EPB41: variants seen among roughly 807,000 people sequenced by gnomAD.
EPB41 encodes the protein erythrocyte membrane protein band 4.1.
Under a neutral mutation model 108.0 loss-of-function variants are expected in EPB41, and 65 were observed. The ratio of observed to expected loss-of-function variants is 0.60; its 90% confidence interval spans 0.49 to 0.74. The LOEUF (loss-of-function observed/expected upper bound fraction) is 0.74. Among genes scored for constraint, EPB41 ranks in the 30% least tolerant of loss-of-function variants. The pLI, the probability that EPB41 is intolerant of heterozygous loss-of-function variation, is 0.00. For missense variants in EPB41, 875 were observed against 1,037.0 expected (o/e 0.84, Z 2.15); for synonymous variants, 336 against 358.9 (o/e 0.94, Z 0.72).
chr1:29,078,527 G>A (rs1558254624), intron 16 of EPB41, among the ~76,000 whole-genome samples: 1 of 152,108 alleles, frequency 6.6e-6, no homozygotes, highest in Non-Finnish European at 1.5e-5. Flanking sequence ...GGGAGGCTGA[G>A]GCAGGAGGAT....
At chr1:29,007,128 TG>T (rs1283312898) in intron 4 of EPB41, among the ~76,000 whole-genome samples, 2 of 151,924 alleles carry the variant, frequency 1.3e-5, no homozygotes, top group Non-Finnish European at 2.9e-5. Flanking sequence ...GGTCTCACCC[TG>T]TTGTCAGGCT....
intron 18 of EPB41, among the ~76,000 whole-genome samples, chr1:29,110,816 A>C (rs989825940): frequency 6.6e-6 from 1 of 152,202 alleles, no homozygotes; most frequent in Non-Finnish European, 1.5e-5. Flanking sequence ...AAATGCTTTA[A>C]AATACAAGAG....
intron 3 of EPB41, among the ~76,000 whole-genome samples, 159 bp from the exon 4 acceptor site, chr1:28,997,056 G>A (rs369745237): frequency 1.6e-4 from 24 of 152,270 alleles, no homozygotes; most frequent in East Asian, 1.5e-3. Flanking sequence ...GGAGGCTGAG[G>A]TGGGAAGATC....
At chr1:29,057,761 A>G (rs1041838329) in intron 12 of EPB41, among the ~76,000 whole-genome samples, 3 of 152,084 alleles carry the variant, frequency 2.0e-5, no homozygotes, top group Non-Finnish European at 4.4e-5. Context: ...TCCATTTTCT[A>G]TGTATAAAAT....
intron 11 of EPB41, among the ~76,000 whole-genome samples, chr1:29,047,337 C>T (rs1191377668): frequency 2.1e-5 from 3 of 143,998 alleles, no homozygotes; most frequent in South Asian, 2.2e-4. Context: ...GTAGCCTTGA[C>T]CTCCCAGGCC....
chr1:28,890,352 T>C (rs1326331050), intron 1 of EPB41, among the ~76,000 whole-genome samples: 1 of 152,196 alleles, frequency 6.6e-6, no homozygotes, highest in East Asian at 1.9e-4. Context: ...CTGATATTTA[T>C]TAAAGGGGGT....
At chr1:28,956,830 A>G (rs1016243718) in intron 1 of EPB41, among the ~76,000 whole-genome samples, 11 of 152,258 alleles carry the variant, frequency 7.2e-5, no homozygotes, top group African/African-American at 2.4e-4. Flanking sequence ...GTCTAGCAAT[A>G]TACATGAAAT....
Position 28,921,417 on chromosome 1 carries a change from C to T in EPB41, c.-8+6649C>T, listed in dbSNP as rs182331495. 3.3e-3 allele frequency among the ~76,000 whole-genome samples: 502 copies of T among 152,132 alleles called. 6 individuals carry two copies. Among genetic ancestry groups the T allele is most frequent in the African/African-American group, 0.011 (472 of 41,506 alleles). On this transcript the variant is annotated intron_variant, in intron 1 of 20. Transcript: ENST00000343067. ...ACAGATTGTTGAAATTCATCCCATT[C>T]CCCCTTCCCTCCCCAGTTTTTGGCC...
intron 4 of EPB41, among the ~76,000 whole-genome samples, chr1:29,000,312 C>T (rs1417443489): frequency 6.6e-5 from 10 of 152,274 alleles, no homozygotes; most frequent in African/African-American, 2.4e-4. Context: ...ATTGGCCAGG[C>T]TGGTCTCGAA....
chr1:29,101,971 G>A (rs976075116), intron 17 of EPB41, among the ~76,000 whole-genome samples: 3 of 152,170 alleles, frequency 2.0e-5, no homozygotes, highest in African/African-American at 7.2e-5. Flanking sequence ...AGAAATGCTT[G>A]TAAAGAACTG....
intron 1 of EPB41, among the ~76,000 whole-genome samples, chr1:28,974,830 T>C (rs2095566200): frequency 6.6e-6 from 1 of 151,808 alleles, no homozygotes; most frequent in Non-Finnish European, 1.5e-5. Context: ...AGTCTTGCTC[T>C]GTCGCCCAGG....
At chr1:29,064,858 T>G in intron 15 of EPB41, 124 bp from the exon 16 acceptor site, 1 of 1,192,346 alleles carries the variant, frequency 8.4e-7, no homozygotes, top group Non-Finnish European at 1.2e-6. Context: ...TGAATGCAGA[T>G]TAGTAACATC....
At chr1:28,975,984 C>T (rs530783662) in intron 1 of EPB41, among the ~76,000 whole-genome samples, 28 of 143,614 alleles carry the variant, frequency 1.9e-4, no homozygotes, top group Admixed American at 1.6e-3. Context: ...GAAATATGTA[C>T]ATGGGCGGGG....
At chr1:28,964,385 T>C (rs185764559) in intron 1 of EPB41, among the ~76,000 whole-genome samples, 90 of 152,032 alleles carry the variant, frequency 5.9e-4, no homozygotes, top group Middle Eastern at 3.4e-3. Context: ...GAGGTTGCAG[T>C]GAGCTGAGAT....
At chr1:28,960,237 C>T (rs1326664109) in intron 1 of EPB41, among the ~76,000 whole-genome samples, 2 of 151,720 alleles carry the variant, frequency 1.3e-5, no homozygotes, top group African/African-American at 4.8e-5. Flanking sequence ...TCTTGAACTC[C>T]TGGGCTCAAG....
intron 16 of EPB41, among the ~76,000 whole-genome samples, chr1:29,074,609 T>C (rs1434269877): frequency 1.3e-5 from 2 of 152,150 alleles, no homozygotes; most frequent in East Asian, 1.9e-4. Context: ...TAAGAAGGTA[T>C]GGGATTAGAG....
chr1:28,979,158 A>G (rs915648254), intron 1 of EPB41, among the ~76,000 whole-genome samples: 1 of 151,616 alleles, frequency 6.6e-6, no homozygotes, highest in Non-Finnish European at 1.5e-5. Context: ...AAAGGCTGTG[A>G]TAAGTTAAGT....
chr1:28,913,929 A>G (rs1373238959), upstream of EPB41, among the ~76,000 whole-genome samples: 1 of 152,198 alleles, frequency 6.6e-6, no homozygotes. Context: ...GGAGATCCTT[A>G]AATGCAGAAG....
intron 1 of EPB41, among the ~76,000 whole-genome samples, chr1:28,924,964 C>CATTTTTTTTTTTTT (rs1553168191): frequency 7.8e-6 from 1 of 128,334 alleles, no homozygotes; most frequent in African/African-American, 2.9e-5. Context: ...GCCTGGCTAA[C>CATTTTTTTTTTTTT]TTTTTTTTTT....
Sources: allele counts gnomAD v4.1 joint callset (sites outside exome capture counted in the v4.1 genomes callset), GRCh38; gene constraint gnomAD v4.1.1; transcripts MANE v1.5; gene names NCBI Gene and HGNC (gene_info 2026-07-23, HGNC 2026-07-21).